The following DEPDC5 variants were observed in gnomAD, a reference collection of about 807,000 sequenced individuals.
DEPDC5 encodes DEP domain containing 5, GATOR1 subcomplex subunit, also known as GATOR1 complex protein DEPDC5.
In DEPDC5, 73 loss-of-function variants were observed where a neutral mutation model predicts 217.3. The observed-to-expected ratio is 0.34, with a 90% confidence interval of 0.28 to 0.41. The LOEUF is 0.41. DEPDC5 is among the 10% of genes least tolerant of loss of function. The pLI is 1.00. For missense variants in DEPDC5, 1,675 were observed against 2,070.1 expected, an observed-to-expected ratio of 0.81 and a Z score of 3.70; for synonymous variants, 733 against 756.7, an observed-to-expected ratio of 0.97 and a Z score of 0.51.
Position 31,755,202 on chromosome 22 carries a change from C to T in DEPDC5, c.58+223C>T, listed in dbSNP as rs187988359. The stretch of plus-strand genomic sequence containing the variant: ...GAACATTGTGAATGCTGCCGGTTTA[C>T]TACCCTTCATTTGTTGAATTGCATT... On this transcript the variant is annotated intron_variant, in intron 2 of 42. Transcript: ENST00000651528. 3.3e-4 allele frequency: 170 copies of T among 511,214 alleles called. No homozygotes were observed. In the East Asian group the frequency reaches 4.0e-3, roughly 12 times the overall value. 31.7% of individuals were successfully genotyped at this position (511,214 alleles called of 1,614,324 possible).
intron 39 of DEPDC5, among the ~76,000 whole-genome samples, chr22:31,896,554 G>T (rs770152485): frequency 5.1e-4 from 77 of 151,428 alleles, no homozygotes; most frequent in Non-Finnish European, 1.0e-3. Flanking sequence ...TCATTTTTAT[G>T]GTTAAAAAGA....
chr22:31,893,845 GT>G (rs1193741122), intron 39 of DEPDC5, 94 bp downstream of exon 39: 1 of 1,334,474 alleles, frequency 7.5e-7, no homozygotes, highest in African/African-American at 1.5e-5. Context: ...TAATTTTTTA[GT>G]TCAGGCTCTT....
chr22:31,841,972 C>A (rs768846657), intron 27 of DEPDC5, among the ~76,000 whole-genome samples: 23 of 152,198 alleles, frequency 1.5e-4, no homozygotes, highest in Admixed American at 2.6e-4. Flanking sequence ...TTTTTACTCT[C>A]TTGAACACTT....
chr22:31,827,452 CCAT>C (rs2090242747), intron 24 of DEPDC5, among the ~76,000 whole-genome samples: 1 of 152,184 alleles, frequency 6.6e-6, no homozygotes. Context: ...GCCTAAGGTG[CCAT>C]CATCTTTTGC....
chr22:31,898,743 T>C (rs1298570478), intron 40 of DEPDC5, among the ~76,000 whole-genome samples: 1 of 152,192 alleles, frequency 6.6e-6, no homozygotes, highest in African/African-American at 2.4e-5. Context: ...GTTTGCAGTT[T>C]GGAAGATTTT....
chr22:31,842,218 A>G (rs2091436712), intron 27 of DEPDC5, among the ~76,000 whole-genome samples: 3 of 152,256 alleles, frequency 2.0e-5, no homozygotes, highest in South Asian at 4.1e-4. Context: ...AAGAAGTAGC[A>G]TTTGATGGTG....
intron 8 of DEPDC5, among the ~76,000 whole-genome samples, chr22:31,780,182 G>C (rs1393516705): frequency 6.6e-6 from 1 of 152,190 alleles, no homozygotes; most frequent in African/African-American, 2.4e-5. Flanking sequence ...AGTCTAGCAA[G>C]AAAATGGTGG....
chr22:31,865,128 A>AT (rs909333518), intron 33 of DEPDC5, among the ~76,000 whole-genome samples: 15 of 151,950 alleles, frequency 9.9e-5, no homozygotes, highest in East Asian at 1.9e-4. Context: ...ACCCAGCCGT[A>AT]TTTTTTTTAT....
chr22:31,890,354 C>G (rs1317962311), intron 38 of DEPDC5: 3 of 152,026 alleles, frequency 2.0e-5, no homozygotes, highest in African/African-American at 7.2e-5. Context: ...ATTAAAATAA[C>G]ACATTTGGGG....
chr22:31,899,024 T>C (rs1425244909), intron 40 of DEPDC5, among the ~76,000 whole-genome samples: 1 of 152,236 alleles, frequency 6.6e-6, no homozygotes, highest in Non-Finnish European at 1.5e-5. Flanking sequence ...AACAGAGAGA[T>C]CTTCCCCCGA....
intron 2 of DEPDC5, among the ~76,000 whole-genome samples, chr22:31,756,747 C>T (rs2081970469): frequency 6.6e-6 from 1 of 151,530 alleles, no homozygotes; most frequent in Non-Finnish European, 1.5e-5. Flanking sequence ...ATAGTGAAAC[C>T]CCATCTCTAC....
chr22:31,841,988 TTTC>T (rs1453518651), intron 27 of DEPDC5, among the ~76,000 whole-genome samples: 2 of 152,218 alleles, frequency 1.3e-5, no homozygotes, highest in Non-Finnish European at 2.9e-5. Context: ...CACTTGTCAT[TTTC>T]TTGATTCCTG....
Position 31,792,738 on chromosome 22 carries a change from A to G in DEPDC5, c.695-7A>G, listed in dbSNP as rs769586932. 2 of 1,541,270 alleles carry G rather than the reference A, an allele frequency of 1.3e-6. No homozygotes were observed. Among genetic ancestry groups the G allele is most frequent in the Non-Finnish European group, 1.7e-6 (2 of 1,154,612 alleles). On this transcript the variant is annotated splice_region_variant and splice_polypyrimidine_tract_variant and intron_variant, in intron 11 of 42. Coordinates refer to ENST00000651528, the MANE Select transcript of DEPDC5 (RefSeq NM_001242896.3). ...CTGAACTACATACTCCGTTTTCTCT[A>G]TTTCAGATGAATTTCCTGAAATAAA... is the stretch of plus-strand genomic sequence containing the variant.
Position 31,870,730 on chromosome 22 carries a change from C to T in DEPDC5, c.3471C>T (p.Asn1157=). ...NIGEQGYSST[N]SSDSSSQQLV... ...GAGAACAGGGCTACTCCTCCACAAA[C>T]TCCAGTGACAGCAGGTGAGATTCAG... Residue 1157 remains asparagine, a synonymous_variant, in exon 34 of 43, where the codon AAC becomes AAT. Transcript: ENST00000651528. 6.3e-7 allele frequency: 1 copy of T among 1,575,498 alleles called. No homozygotes were observed. Among genetic ancestry groups the T allele is most frequent in the East Asian group, 2.4e-5 (1 of 42,478 alleles).
intron 31 of DEPDC5, among the ~76,000 whole-genome samples, chr22:31,854,791 G>A (rs758708647): frequency 5.8e-4 from 88 of 152,092 alleles, no homozygotes; most frequent in Non-Finnish European, 1.0e-3. Flanking sequence ...ATATAATAAA[G>A]GGATGTAATC....
rs1064795107 is a variant in DEPDC5, at chr22:31,845,095, C to T, written c.2879C>T (p.Thr960Met). The T allele has an allele frequency of 6.8e-6, 11 of 1,614,060 alleles. No homozygotes were observed. Among genetic ancestry groups the T allele is most frequent in the Admixed American group, 3.3e-5 (2 of 60,002 alleles). Reference sequence around the variant, plus strand: ...TGTGTCACCGCCACCAAGCGCATCACGGAGGGGGAGGCCCACTGCGACATC... The same window carrying T: ...TGTGTCACCGCCACCAAGCGCATCATGGAGGGGGAGGCCCACTGCGACATC... ...PACVTATKRI[T>M]EGEAHCDIYG... is the part of the protein sequence containing the mutation. The change falls in exon 30 of 43, where the codon ACG becomes ATG. Residue 960 changes from threonine to methionine, a missense_variant. This residue lies in a region of DEPDC5 where 293 missense variants were observed against 386.1 expected (regional missense o/e 0.76). Coordinates refer to ENST00000651528, the MANE Select transcript of DEPDC5 (RefSeq NM_001242896.3).
chr22:31,901,689 G>C, intron 40 of DEPDC5, 53 bp from the exon 41 acceptor site: 1 of 1,507,400 alleles, frequency 6.6e-7, no homozygotes, highest in Non-Finnish European at 9.1e-7. Flanking sequence ...GGCCCAGAGA[G>C]AATTACAAAC....
intron 26 of DEPDC5, 55 bp from the exon 27 acceptor site, chr22:31,838,630 A>G: frequency 6.3e-7 from 1 of 1,596,530 alleles, no homozygotes; most frequent in Non-Finnish European, 8.5e-7. Flanking sequence ...GTGCACTCTT[A>G]AGTGTCACTG....
chr22:31,837,183 C>T lies in DEPDC5; in HGVS notation c.2354+28C>T, dbSNP rs192889355. On this transcript the variant is annotated intron_variant, in intron 26 of 42. Transcript: ENST00000651528. ...CAGTGTCAGAGAAAAAGGCACTTGG[C>T]TTGGTTGGTGAGGGTTTCGGATATA... is the stretch of plus-strand genomic sequence containing the variant. 1,255 of 1,612,486 alleles carry T rather than the reference C, an allele frequency of 7.8e-4. 1 individual carries two copies. The highest frequency in any genetic ancestry group is 1.2e-3 in the Admixed American group (70 of 59,932).
Sources: gnomAD v4.1 joint callset for allele counts (sites outside exome capture counted in the v4.1 genomes callset) on GRCh38, gnomAD v4.1.1 for gene constraint, gnomAD v4.1.1 regional missense constraint, MANE v1.5 for transcripts, NCBI Gene and HGNC (gene_info 2026-07-23, HGNC 2026-07-21) for gene names.